SNTG2: variants seen among roughly 807,000 people sequenced by gnomAD.
The protein encoded by SNTG2 is gamma-2-syntrophin.
SNTG2 carries 74 observed loss-of-function variants against 70.9 expected under a neutral mutation model. The observed-to-expected ratio is 1.04, with a 90% CI of 0.86 to 1.27. SNTG2 has a LOEUF of 1.27. SNTG2 is among the 50% of genes most tolerant of loss of function. The pLI is 0.00. For synonymous variants in SNTG2, 278 were observed against 273.8 expected (o/e 1.02, Z -0.15); for missense variants, 717 against 690.7 (o/e 1.04, Z -0.43).
intron 14 of SNTG2, among the ~76,000 whole-genome samples, chr2:1,279,156 C>CGTGA (rs1314228229): frequency 6.6e-6 from 1 of 152,010 alleles, no homozygotes; most frequent in African/African-American, 2.4e-5. Context: ...TCTGTCAGTG[C>CGTGA]ATCCAGGCTG....
intron 1 of SNTG2, among the ~76,000 whole-genome samples, chr2:999,877 G>A (rs1465140903): frequency 2.0e-5 from 3 of 151,740 alleles, no homozygotes; most frequent in Non-Finnish European, 4.4e-5. Context: ...ATATAAGGTC[G>A]CAAAACAAGT....
At chr2:1,135,676 C>T (rs1395306606) in intron 4 of SNTG2, among the ~76,000 whole-genome samples, 2 of 152,250 alleles carry the variant, frequency 1.3e-5, no homozygotes, top group East Asian at 1.9e-4. Context: ...GAGCCAGGGT[C>T]GCGCCACTGC....
chr2:1,105,477 C>G (rs533753525), intron 4 of SNTG2, among the ~76,000 whole-genome samples: 3 of 152,168 alleles, frequency 2.0e-5, no homozygotes, highest in African/African-American at 7.2e-5. Flanking sequence ...AAGGCTCACA[C>G]GTCAGGAACC....
At position 1,163,350 on chromosome 2, in the gene SNTG2, G is replaced by A. The variant is rs1243275025; in HGVS notation, c.412-2198G>A. Reference sequence around the variant, plus strand: ...TGGGAAGCCTCCCAACAGGAAGTGGGTGTGTGAAGTCTTCCCAACAGGAAG... The same window carrying A: ...TGGGAAGCCTCCCAACAGGAAGTGGATGTGTGAAGTCTTCCCAACAGGAAG... On this transcript the variant is annotated intron_variant, in intron 6 of 16. Transcript: ENST00000308624. 4 of 147,960 alleles carry A rather than the reference G, an allele frequency of 2.7e-5. No homozygotes were observed. The East Asian group carries it at 6.0e-4, about 22-fold the overall frequency. The allele number at this position is 147,960 out of a possible 1,614,324, so 9.2% of individuals were successfully genotyped here.
intron 16 of SNTG2, among the ~76,000 whole-genome samples, chr2:1,360,655 A>C (rs1015001256): frequency 2.0e-5 from 3 of 151,546 alleles, no homozygotes; most frequent in Non-Finnish European, 4.4e-5. Flanking sequence ...AACAAACAAA[A>C]AAAAAGTCTG....
intron 14 of SNTG2, among the ~76,000 whole-genome samples, chr2:1,287,559 G>C (rs1263424748): frequency 1.4e-5 from 2 of 141,396 alleles, no homozygotes; most frequent in Admixed American, 6.7e-5. Flanking sequence ...CAGGGGTGGA[G>C]AATAGCAGCA....
At chr2:1,042,180 G>T (rs992707573) in intron 1 of SNTG2, among the ~76,000 whole-genome samples, 7 of 152,120 alleles carry the variant, frequency 4.6e-5, no homozygotes, top group African/African-American at 1.7e-4. Flanking sequence ...TGGTGGATTA[G>T]CTCCTCTTGG....
At chr2:1,281,219 G>GCTTGTGTA (rs1679500745) in intron 14 of SNTG2, among the ~76,000 whole-genome samples, 2 of 137,776 alleles carry the variant, frequency 1.5e-5, no homozygotes, top group African/African-American at 2.7e-5. Context: ...GTGTGTGTGT[G>GCTTGTGTA]TTTGTGTTTA....
chr2:1,248,037 A>G (rs1383976168), intron 12 of SNTG2, among the ~76,000 whole-genome samples: 5 of 152,208 alleles, frequency 3.3e-5, no homozygotes, highest in African/African-American at 7.2e-5. Flanking sequence ...GAGTCTGACC[A>G]TCAGAACTGC....
intron 1 of SNTG2, among the ~76,000 whole-genome samples, chr2:1,036,983 G>C (rs932248510): frequency 1.3e-4 from 16 of 119,702 alleles, no homozygotes; most frequent in African/African-American, 5.9e-4. Flanking sequence ...CTGGAGGTGA[G>C]GGCAGTATGG....
At chr2:951,384 T>C (rs1005661885) in intron 1 of SNTG2, among the ~76,000 whole-genome samples, 2 of 152,146 alleles carry the variant, frequency 1.3e-5, no homozygotes, top group Admixed American at 1.3e-4. Context: ...TTTCCAGAAT[T>C]TGGGATTTGA....
intron 16 of SNTG2, among the ~76,000 whole-genome samples, chr2:1,355,256 G>T (rs889211739): frequency 6.6e-6 from 1 of 152,196 alleles, no homozygotes; most frequent in Non-Finnish European, 1.5e-5. Context: ...GAAGAGTTCA[G>T]CCGTGTTAAC....
At position 1,313,469 on chromosome 2, in the gene SNTG2, C is replaced by A. The variant is rs75061769; in HGVS notation, c.1378-2796C>A. Among the ~76,000 whole-genome samples, 1,001 of 152,318 alleles carry A rather than the reference C, an allele frequency of 6.6e-3. 12 individuals are homozygous for A. Among genetic ancestry groups the A allele is most frequent in the African/African-American group, 0.023 (955 of 41,568 alleles). On this transcript the variant is annotated intron_variant, in intron 15 of 16. Transcript: ENST00000308624. ...TGTGAGTGGAGCACATGCCACATTC[C>A]GACCTAGAATGTCCAATTGCGCTTT...
At chr2:1,175,600 A>G (rs1254011849) in intron 8 of SNTG2, among the ~76,000 whole-genome samples, 4 of 152,194 alleles carry the variant, frequency 2.6e-5, no homozygotes, top group Admixed American at 6.5e-5. Context: ...ATTTCTTTCC[A>G]TATTATTTAA....
intron 16 of SNTG2, among the ~76,000 whole-genome samples, chr2:1,331,195 T>C (rs769023002): frequency 6.6e-6 from 1 of 152,226 alleles, no homozygotes; most frequent in Non-Finnish European, 1.5e-5. Flanking sequence ...AGAGCTGCAA[T>C]GGACTCTTCT....
intron 6 of SNTG2, among the ~76,000 whole-genome samples, chr2:1,145,708 C>G (rs1269811084): frequency 5.3e-5 from 8 of 152,108 alleles, no homozygotes; most frequent in Non-Finnish European, 1.0e-4. Flanking sequence ...TTCCATGAGG[C>G]CAGCTTTATC....
At chr2:957,813 C>T (rs1004121064) in intron 1 of SNTG2, among the ~76,000 whole-genome samples, 1 of 152,102 alleles carries the variant, frequency 6.6e-6, no homozygotes, top group Non-Finnish European at 1.5e-5. Context: ...CTCCCTGGAG[C>T]CTCTGGAGGA....
intron 6 of SNTG2, among the ~76,000 whole-genome samples, chr2:1,143,958 G>C (rs201470669): frequency 1.6e-5 from 1 of 61,172 alleles, no homozygotes; most frequent in African/African-American, 7.7e-5. Flanking sequence ...AAAAAAAACA[G>C]AAATTTATTG....
chr2:1,152,800 C>T (rs944324379), intron 6 of SNTG2, among the ~76,000 whole-genome samples: 3 of 152,142 alleles, frequency 2.0e-5, no homozygotes, highest in African/African-American at 4.8e-5. Flanking sequence ...TTAAAGTTAA[C>T]TGATCATAGA....
Sources: allele counts gnomAD v4.1 joint callset (sites outside exome capture counted in the v4.1 genomes callset), GRCh38; gene constraint gnomAD v4.1.1; transcripts MANE v1.5; gene names NCBI Gene and HGNC (gene_info 2026-07-23, HGNC 2026-07-21).